Variants in FRMPD1 observed in about 807,000 individuals in gnomAD.
FRMPD1 encodes FERM and PDZ domain-containing protein 1.
Under a neutral mutation model 117.8 loss-of-function variants are expected in FRMPD1, and 76 were observed. That is an observed-to-expected ratio of 0.65 (90% confidence interval 0.54 to 0.78). FRMPD1 has a LOEUF of 0.78. Ranked by LOEUF, FRMPD1 falls within the 30% of genes least tolerant of loss-of-function variation. The pLI is 0.00. For missense variants in FRMPD1, 1,786 were observed against 1,964.5 expected (o/e 0.91, Z 1.72); for synonymous variants, 783 against 770.4 (o/e 1.02, Z -0.27).
At chr9:37,665,137 A>G (rs1007745577) in intron 1 of FRMPD1, among the ~76,000 whole-genome samples, 2 of 152,246 alleles carry the variant, frequency 1.3e-5, no homozygotes, top group African/African-American at 4.8e-5. Flanking sequence ...GGAAATGTTT[A>G]CAGTGTATAT....
the FRMPD1 span, among the ~76,000 whole-genome samples, chr9:37,613,605 A>G: frequency 6.6e-6 from 1 of 152,214 alleles, no homozygotes; most frequent in Admixed American, 6.5e-5. Context: ...CGTTCTCTGA[A>G]GACAGGGTAG....
Position 37,746,890 on chromosome 9 carries a change from T to C in FRMPD1, c.*121T>C. The C allele has an allele frequency of 1.5e-6, 1 of 672,622 alleles. No individual in the cohort carries two copies. Among genetic ancestry groups the C allele is most frequent in the Non-Finnish European group, 2.5e-6 (1 of 394,830 alleles). 41.7% of individuals were successfully genotyped at this position (672,622 alleles called of 1,614,324 possible). A position where few individuals can be genotyped will look rare whatever the true frequency, so the allele number is the denominator to read the frequency against. ...TACTATATAGAGTATTCAAATAAAC[T>C]GCTGCTTAATCTTGGCCTGAGTCAT... On this transcript the variant is annotated 3_prime_UTR_variant, in exon 16 of 16. Transcript: ENST00000377765.
the FRMPD1 span, among the ~76,000 whole-genome samples, chr9:37,632,482 T>C: frequency 6.6e-6 from 1 of 152,368 alleles, no homozygotes; most frequent in South Asian, 2.1e-4. Context: ...AGCCATCAAG[T>C]GCTATAGCTT....
chr9:37,612,905 G>A, the FRMPD1 span, among the ~76,000 whole-genome samples: 1 of 152,220 alleles, frequency 6.6e-6, no homozygotes, highest in African/African-American at 2.4e-5. Flanking sequence ...CGGGGCAGAG[G>A]ATGAGGAGTT....
At position 37,707,520 on chromosome 9, in the gene FRMPD1, A is replaced by G. The variant is rs138252723; in HGVS notation, c.206A>G (p.Tyr69Cys). Reference protein sequence around the residue: ...KIDKDTLLQDYGFHISESLPL... With the variant: ...KIDKDTLLQDCGFHISESLPL... ...GACAAAGACACCCTCCTCCAGGACT[A>G]TGGATTTCACATTTCTGAGAGCCTT... is the stretch of plus-strand genomic sequence containing the variant. The change falls in exon 3 of 16, where the codon TAT (tyrosine) becomes TGT (cysteine). Residue 69 changes from tyrosine (Y) to cysteine (C), a missense_variant. By Grantham distance (194) the Tyr-to-Cys change is radical. Transcript: ENST00000377765. 85 of 1,613,956 alleles carry G rather than the reference A, an allele frequency of 5.3e-5. No homozygotes were observed. The African/African-American group carries it at 9.7e-4, about 18-fold the overall frequency.
chr9:37,730,926 A>G (rs1823847561), intron 8 of FRMPD1, 58 bp from the exon 9 acceptor site: 1 of 1,588,736 alleles, frequency 6.3e-7, no homozygotes, highest in Non-Finnish European at 8.6e-7. Flanking sequence ...GTTTTGTGGA[A>G]TGACTGCAAG....
chr9:37,702,105 G>A (rs78807493), intron 2 of FRMPD1, among the ~76,000 whole-genome samples: 1 of 152,268 alleles, frequency 6.6e-6, no homozygotes, highest in Non-Finnish European at 1.5e-5. Flanking sequence ...GCTATATATC[G>A]AGTTAAGCAA....
At chr9:37,715,110 T>C (rs1823064502) in intron 5 of FRMPD1, among the ~76,000 whole-genome samples, 1 of 152,234 alleles carries the variant, frequency 6.6e-6, no homozygotes, top group Non-Finnish European at 1.5e-5. Context: ...CCCTAGAACG[T>C]AGAATTTTAT....
intron 15 of FRMPD1, 150 bp from the exon 16 acceptor site, chr9:37,744,239 G>A (rs1824568246): frequency 1.8e-6 from 1 of 547,812 alleles, no homozygotes; most frequent in Non-Finnish European, 3.2e-6. Flanking sequence ...TCTTTCAGAT[G>A]AGGAAGTTGA....
chr9:37,726,710 TATAA>T (rs562797754), intron 7 of FRMPD1, among the ~76,000 whole-genome samples: 2 of 151,536 alleles, frequency 1.3e-5, no homozygotes, highest in African/African-American at 4.9e-5. Context: ...AAAAAATAAA[TATAA>T]ATAAATAAAT....
Position 37,746,660 on chromosome 9 carries a change from A to G in FRMPD1, c.4628A>G (p.Glu1543Gly). 2 of 1,614,102 alleles carry G rather than the reference A, an allele frequency of 1.2e-6. No homozygotes were observed. Among genetic ancestry groups the G allele is most frequent in the Non-Finnish European group, 1.7e-6 (2 of 1,179,976 alleles). Reference sequence around the variant, plus strand: ...ATAGAGGCTGCTAAATCGACCTGCGAGAGAGGCTACCACGACCTGAGTGTG... The same window carrying G: ...ATAGAGGCTGCTAAATCGACCTGCGGGAGAGGCTACCACGACCTGAGTGTG... Reference protein sequence around the residue: ...QFIEAAKSTCERGYHDLSVKL... With the variant: ...QFIEAAKSTCGRGYHDLSVKL... Residue 1543 changes from glutamate to glycine, a missense_variant, in exon 16 of 16, where the codon GAG becomes GGG. Glu to Gly is a moderately conservative substitution (Grantham distance 98). Transcript: ENST00000377765.
chr9:37,711,774 C>G (rs1822918251), intron 5 of FRMPD1, among the ~76,000 whole-genome samples: 1 of 152,108 alleles, frequency 6.6e-6, no homozygotes, highest in South Asian at 2.1e-4. Flanking sequence ...ACTGCCTTGT[C>G]TGTTTAATGG....
chr9:37,671,869 G>A (rs553155693), intron 1 of FRMPD1, among the ~76,000 whole-genome samples: 72 of 152,320 alleles, frequency 4.7e-4, no homozygotes, highest in Non-Finnish European at 9.3e-4. Context: ...AGGAGGCTGA[G>A]GAAGGAGAAT....
At chr9:37,635,995 G>A in the FRMPD1 span, among the ~76,000 whole-genome samples, 1,260 of 152,300 alleles carry the variant, frequency 8.3e-3, 17 homozygotes, top group African/African-American at 0.028. Flanking sequence ...GGCAGGCAGC[G>A]CGTGGGTCTG....
At chr9:37,665,026 C>A (rs762943467) in intron 1 of FRMPD1, among the ~76,000 whole-genome samples, 1 of 152,004 alleles carries the variant, frequency 6.6e-6, no homozygotes, top group South Asian at 2.1e-4. Flanking sequence ...ATACAGACAT[C>A]GAAAATAAAC....
At chr9:37,661,617 C>G (rs955349265) in intron 1 of FRMPD1, 1 of 152,130 alleles carries the variant, frequency 6.6e-6, no homozygotes, top group African/African-American at 2.4e-5. Flanking sequence ...GCATTCCTGA[C>G]ATGTTTGTTT....
At chr9:37,638,282 A>G in the FRMPD1 span, among the ~76,000 whole-genome samples, 211 of 152,150 alleles carry the variant, frequency 1.4e-3, 1 homozygote, top group African/African-American at 4.8e-3. Flanking sequence ...CATGTTGGCC[A>G]GGCTGGTCTC....
chr9:37,648,036 A>G (rs1824174654), upstream of FRMPD1, among the ~76,000 whole-genome samples: 1 of 152,216 alleles, frequency 6.6e-6, no homozygotes, highest in Admixed American at 6.5e-5. Context: ...TCCTCACCGC[A>G]TATAATGATT....
chr9:37,620,876 T>C, the FRMPD1 span, among the ~76,000 whole-genome samples: 26,096 of 152,168 alleles, frequency 0.17, 2,447 homozygotes, highest in Admixed American at 0.22. Flanking sequence ...TTGAAGAAAC[T>C]AATTCCCAAG....
Sources: gnomAD v4.1 joint callset for allele counts (sites outside exome capture counted in the v4.1 genomes callset) on GRCh38, gnomAD v4.1.1 for gene constraint, MANE v1.5 for transcripts, NCBI Gene and HGNC (gene_info 2026-07-23, HGNC 2026-07-21) for gene names.